The following F8 variants were observed in gnomAD, a reference collection of about 807,000 sequenced individuals.
The protein encoded by F8 is coagulation factor VIII.
In F8, 12 loss-of-function variants were observed where a neutral mutation model predicts 140.6. The ratio of observed to expected loss-of-function variants is 0.09; its 90% confidence interval spans 0.05 to 0.14. The LOEUF is 0.14. F8 is among the 10% of genes least tolerant of loss of function. The probability of loss-of-function intolerance (pLI) is 1.00; values close to 1 mark genes in which losing one functional copy is unlikely to be tolerated. For missense variants in F8, 1,354 were observed against 1,720.7 expected, an observed-to-expected ratio of 0.79 and a Z score of 3.77; for synonymous variants, 585 against 614.6, an observed-to-expected ratio of 0.95 and a Z score of 0.71.
At chrX:155,013,786 C>T (rs782103446) in intron 1 of F8, among the ~76,000 whole-genome samples, 4 of 111,623 alleles carry the variant, frequency 3.6e-5, no homozygotes, top group Admixed American at 9.5e-5. Context: ...GGTGCCAGCA[C>T]GGTCAGTTTC....
At chrX:154,858,303 C>T (rs782356015) in intron 25 of F8, among the ~76,000 whole-genome samples, 22 of 112,400 alleles carry the variant, frequency 2.0e-4, no homozygotes, top group Non-Finnish European at 2.4e-4. Flanking sequence ...ACAAGGCTGA[C>T]CTGGCTATGG....
intron 1 of F8, among the ~76,000 whole-genome samples, chrX:155,009,014 A>G (rs946784585): frequency 9.0e-5 from 10 of 111,485 alleles, no homozygotes; most frequent in African/African-American, 2.9e-4. Context: ...GAACACTCCA[A>G]ATAAAATTCC....
rs1557278462 is a variant in F8, at chrX:154,929,530, A to G, written c.4260T>C (p.Pro1420=). 2 of 1,210,018 alleles carry G rather than the reference A, an allele frequency of 1.7e-6. No homozygotes were observed. Among genetic ancestry groups the G allele is most frequent in the East Asian group, 5.9e-5 (2 of 33,839 alleles). ...AKVSSFPSIR[P]IYLTRVLFQD... is the part of the protein sequence containing the mutation. The stretch of plus-strand genomic sequence containing the variant: ...GGAATAGGACCCTGGTCAGATATAT[A>G]GGTCTAATAGATGGAAATGATGATA... Residue 1420 remains proline, a synonymous_variant, in exon 14 of 26, where the codon CCT becomes CCC. Coordinates refer to ENST00000360256, the MANE Select transcript of F8 (RefSeq NM_000132.4).
At chrX:154,862,315 C>T (rs149764357) in intron 23 of F8, among the ~76,000 whole-genome samples, 1 of 111,993 alleles carries the variant, frequency 8.9e-6, no homozygotes, top group East Asian at 2.8e-4. Context: ...TGTGAGCCAC[C>T]ACGCCCGGCC....
intron 6 of F8, among the ~76,000 whole-genome samples, chrX:154,982,458 A>AT (rs1480050281): frequency 1.3e-4 from 14 of 104,625 alleles, no homozygotes; most frequent in Admixed American, 4.1e-4. Context: ...AAAAAAAAAA[A>AT]AAAAAAATAT....
intron 6 of F8, among the ~76,000 whole-genome samples, chrX:154,971,697 T>C (rs2073457177): frequency 9.0e-6 from 1 of 111,525 alleles, no homozygotes; most frequent in South Asian, 3.7e-4. Context: ...ACTTCCCCCT[T>C]ATCTTCCTAG....
Position 154,947,651 on chromosome X carries a change from A to C in F8, c.2113+47T>G, listed in dbSNP as rs374723930. Reference sequence around the variant, plus strand: ...TGGGCAAAAGAGCATACGAATGGCTAGTGAAGCATTCACAGCTGTTGGTAC... The same window carrying C: ...TGGGCAAAAGAGCATACGAATGGCTCGTGAAGCATTCACAGCTGTTGGTAC... On this transcript the variant is annotated intron_variant, in intron 13 of 25. Coordinates refer to ENST00000360256, the MANE Select transcript of F8 (RefSeq NM_000132.4). The C allele has an allele frequency of 4.7e-4, 463 of 982,374 alleles. 3 individuals are homozygous for C. The highest frequency in any genetic ancestry group is 6.3e-4 in the Non-Finnish European group (433 of 688,628). The allele number at this position is 982,374 out of a possible 1,213,427, so 81.0% of individuals were successfully genotyped here.
chrX:154,963,877 G>C, intron 9 of F8, among the ~76,000 whole-genome samples: 1 of 108,109 alleles, frequency 9.2e-6, no homozygotes, highest in Non-Finnish European at 1.9e-5. Flanking sequence ...GTCTCACTCT[G>C]TTGCCCAGGG....
intron 22 of F8, among the ~76,000 whole-genome samples, chrX:154,890,207 G>A (rs2072933714): frequency 9.9e-6 from 1 of 100,748 alleles, no homozygotes; most frequent in African/African-American, 3.7e-5. Context: ...TCCTTTCAAC[G>A]TGTAAAAACT....
rs782248141 is a variant in F8 at position 154,997,106 on chromosome X, G to T, written c.266-11C>A. ...TAGGACCTAGCAGACCTGTAAGAAT[G>T]AGATGTCCGCCAAAGGTTACTTGGG... On this transcript the variant is annotated splice_polypyrimidine_tract_variant and intron_variant, in intron 2 of 25. Coordinates refer to ENST00000360256, the MANE Select transcript of F8 (RefSeq NM_000132.4). 8.3e-7 allele frequency: 1 copy of T among 1,211,322 alleles called. No homozygotes were observed. Among genetic ancestry groups the T allele is most frequent in the Non-Finnish European group, 1.1e-6 (1 of 895,027 alleles).
At chrX:155,020,697 T>G (rs2073756050) in intron 1 of F8, among the ~76,000 whole-genome samples, 1 of 111,840 alleles carries the variant, frequency 8.9e-6, no homozygotes, top group Non-Finnish European at 1.9e-5. Flanking sequence ...TATGACTAAT[T>G]AAATCCCCCA....
At chrX:154,942,295 G>A (rs1557279856) in intron 13 of F8, among the ~76,000 whole-genome samples, 1 of 110,975 alleles carries the variant, frequency 9.0e-6, no homozygotes, top group Non-Finnish European at 1.9e-5. Flanking sequence ...AGAAAAGAGA[G>A]AAGAATCAAA....
At chrX:155,000,561 A>C in intron 1 of F8, among the ~76,000 whole-genome samples, 1 of 112,382 alleles carries the variant, frequency 8.9e-6, no homozygotes, top group Non-Finnish European at 1.9e-5. Context: ...TGGGTAATTA[A>C]GGCTTAGTTG....
intron 22 of F8, among the ~76,000 whole-genome samples, chrX:154,877,715 A>G (rs1309625985): frequency 9.0e-6 from 1 of 111,551 alleles, no homozygotes; most frequent in East Asian, 2.8e-4. Flanking sequence ...GCCCAGTAAG[A>G]CTTGGGTCAG....
chrX:155,005,118 A>T (rs782807654), intron 1 of F8, among the ~76,000 whole-genome samples: 1 of 111,519 alleles, frequency 9.0e-6, no homozygotes, highest in Non-Finnish European at 1.9e-5. Flanking sequence ...CCGCCAGTGG[A>T]CACACCAAGA....
At chrX:154,902,742 C>T (rs1462212807) in intron 18 of F8, among the ~76,000 whole-genome samples, 2 of 112,091 alleles carry the variant, frequency 1.8e-5, no homozygotes, top group African/African-American at 3.2e-5. Context: ...AAAGAGTCAA[C>T]AAGTATTGCC....
At chrX:154,892,228 C>T (rs1557275221) in intron 22 of F8, among the ~76,000 whole-genome samples, 2 of 112,484 alleles carry the variant, frequency 1.8e-5, no homozygotes, top group African/African-American at 6.5e-5. Flanking sequence ...CGGAGTATTC[C>T]TCAAAAGCTC....
chrX:154,940,642 T>G (rs1445770204), intron 13 of F8, among the ~76,000 whole-genome samples: 1 of 111,587 alleles, frequency 9.0e-6, no homozygotes, highest in East Asian at 2.8e-4. Context: ...AGGCCAACAT[T>G]CAAATTCAGG....
chrX:154,970,576 T>C (rs1181540691), intron 6 of F8, among the ~76,000 whole-genome samples: 4 of 111,871 alleles, frequency 3.6e-5, no homozygotes, highest in African/African-American at 1.3e-4. Context: ...CCAGATCTGA[T>C]TGTAGTATCC....
Sources: gnomAD v4.1 joint callset for allele counts (sites outside exome capture counted in the v4.1 genomes callset) on GRCh38, gnomAD v4.1.1 for gene constraint, MANE v1.5 for transcripts, NCBI Gene and HGNC (gene_info 2026-07-23, HGNC 2026-07-21) for gene names.